LARS2: variants seen among roughly 807,000 people sequenced by gnomAD.
LARS2 encodes the protein leucine--tRNA ligase, mitochondrial.
A neutral mutation model predicts 116.6 loss-of-function variants in LARS2; 81 were observed. The ratio of observed to expected loss-of-function variants is 0.69; its 90% CI spans 0.58 to 0.84. The LOEUF is 0.84. Among genes scored for constraint, LARS2 ranks in the 40% least tolerant of loss-of-function variants. The pLI is 0.00. For missense variants in LARS2, 968 were observed against 1,114.5 expected, an observed-to-expected ratio of 0.87 and a Z score of 1.87; for synonymous variants, 396 against 407.2, an observed-to-expected ratio of 0.97 and a Z score of 0.33.
At chr3:45,474,841 G>A (rs1361865376) in intron 9 of LARS2, among the ~76,000 whole-genome samples, 2 of 152,060 alleles carry the variant, frequency 1.3e-5, no homozygotes, top group East Asian at 1.9e-4. Flanking sequence ...AGTCTCAAAG[G>A]GGTTCATGTC....
chr3:45,530,177 TTTTG>T (rs765606355), intron 20 of LARS2, among the ~76,000 whole-genome samples: 2 of 152,214 alleles, frequency 1.3e-5, no homozygotes, highest in Non-Finnish European at 2.9e-5. Context: ...ATTTGGAGTT[TTTTG>T]TTTGTTTGCT....
At position 45,485,789 on chromosome 3, in the gene LARS2, A is replaced by G. The variant is rs773078334; in HGVS notation, c.1116A>G (p.Ser372=). The G allele has an allele frequency of 1.9e-6, 3 of 1,593,042 alleles. No individual in the cohort carries two copies. Among genetic ancestry groups the G allele is most frequent in the South Asian group, 2.2e-5 (2 of 89,906 alleles). The change falls in exon 11 of 22, where the codon TCA becomes TCG. Residue 372 remains serine (S), a synonymous_variant. Transcript: ENST00000645846. The stretch of plus-strand genomic sequence containing the variant: ...CTGACTTGGAAGGCTCTCTGGATTC[A>G]AAAATAGGTAAGCAGCTATTAAAAT... ...AKADLEGSLD[S]KIGIPSTSSE...
chr3:45,508,314 C>T (rs961604322), intron 15 of LARS2, among the ~76,000 whole-genome samples: 12 of 152,040 alleles, frequency 7.9e-5, no homozygotes, highest in South Asian at 2.1e-4. Flanking sequence ...ATGCCAGAAA[C>T]GGGGCTACTG....
rs1261770944 is a variant in LARS2 at position 45,493,155 on chromosome 3, G to A, written c.1523+1355G>A. ...CGCTCTGTCGCCCAGGCTGGAGTGC[G>A]GTGGTGCAATCTCGGCTCACTGCCA... On this transcript the variant is annotated intron_variant, in intron 13 of 21. Coordinates refer to ENST00000645846, the MANE Select transcript of LARS2 (RefSeq NM_015340.4). Among the ~76,000 whole-genome samples the A allele has an allele frequency of 5.3e-5, 8 of 151,662 alleles. No individual in the cohort carries two copies. The South Asian group carries it at 6.3e-4, about 12-fold the overall frequency.
intron 7 of LARS2, among the ~76,000 whole-genome samples, chr3:45,453,237 G>A (rs1243100640): frequency 6.6e-6 from 1 of 151,420 alleles, no homozygotes; most frequent in Non-Finnish European, 1.5e-5. Flanking sequence ...TGCTTTTCTA[G>A]TTCCTTGTGC....
At chr3:45,491,931 C>A in intron 13 of LARS2, 131 bp downstream of exon 13, 2 of 871,882 alleles carry the variant, frequency 2.3e-6, no homozygotes, top group Non-Finnish European at 3.5e-6. Context: ...CTGGAAAGAA[C>A]ACTGTGGGTC....
At chr3:45,468,156 G>A (rs1559478880) in intron 8 of LARS2, among the ~76,000 whole-genome samples, 1 of 151,934 alleles carries the variant, frequency 6.6e-6, no homozygotes, top group South Asian at 2.1e-4. Flanking sequence ...CATGATATCC[G>A]GGTTAGATCA....
chr3:45,457,688 A>C (rs1391858324), intron 7 of LARS2, among the ~76,000 whole-genome samples: 1 of 152,202 alleles, frequency 6.6e-6, no homozygotes, highest in African/African-American at 2.4e-5. Flanking sequence ...TCAAAGAAAA[A>C]AAAAATTACA....
intron 15 of LARS2, among the ~76,000 whole-genome samples, chr3:45,510,606 A>C (rs186671146): frequency 1.6e-4 from 25 of 152,234 alleles, no homozygotes; most frequent in Admixed American, 1.1e-3. Context: ...GAGTTGAGCC[A>C]GGAAGGAGGA....
At chr3:45,500,339 A>G in intron 14 of LARS2, 103 bp from the exon 15 acceptor site, 1 of 1,122,522 alleles carries the variant, frequency 8.9e-7, no homozygotes, top group Non-Finnish European at 1.3e-6. Context: ...TTATTCCCTG[A>G]TACGGTTCAT....
chr3:45,516,024 A>C, intron 16 of LARS2, 70 bp from the exon 17 acceptor site: 1 of 1,260,784 alleles, frequency 7.9e-7, no homozygotes, highest in East Asian at 2.4e-5. Flanking sequence ...GTTTTTACTT[A>C]TTGATGCTAT....
At chr3:45,489,237 T>C (rs962120758) in intron 12 of LARS2, among the ~76,000 whole-genome samples, 2 of 152,214 alleles carry the variant, frequency 1.3e-5, no homozygotes, top group African/African-American at 4.8e-5. Flanking sequence ...TGGTCAGGGT[T>C]ATCTCTTGCT....
At chr3:45,406,257 T>C (rs1698229866) in intron 4 of LARS2, among the ~76,000 whole-genome samples, 1 of 152,186 alleles carries the variant, frequency 6.6e-6, no homozygotes, top group Non-Finnish European at 1.5e-5. Flanking sequence ...TGTGTGTCCA[T>C]GATTCTTAAA....
At chr3:45,544,662 G>A (rs1700850045) in intron 21 of LARS2, among the ~76,000 whole-genome samples, 1 of 152,192 alleles carries the variant, frequency 6.6e-6, no homozygotes, top group Non-Finnish European at 1.5e-5. Flanking sequence ...ATGGTGGCAG[G>A]ATGGAGCTAA....
chr3:45,458,686 CAAAA>C, intron 7 of LARS2, 53 bp from the exon 8 acceptor site: 2 of 1,200,320 alleles, frequency 1.7e-6, no homozygotes, highest in Admixed American at 2.0e-5. Flanking sequence ...CACTCCCTGT[CAAAA>C]AAAAAAAAGA....
At chr3:45,547,274 G>A (rs1037163112) in intron 21 of LARS2, 77 bp from the exon 22 acceptor site, 21 of 1,313,626 alleles carry the variant, frequency 1.6e-5, no homozygotes, top group Non-Finnish European at 2.2e-5. Flanking sequence ...CCCTTTACAG[G>A]CAGGAGGTTT....
intron 3 of LARS2, among the ~76,000 whole-genome samples, chr3:45,399,719 G>A (rs1200524337): frequency 6.6e-6 from 1 of 151,836 alleles, no homozygotes; most frequent in Non-Finnish European, 1.5e-5. Context: ...TGATTTGTGA[G>A]ATTTTGGTGC....
intron 6 of LARS2, among the ~76,000 whole-genome samples, chr3:45,437,001 T>C (rs915105594): frequency 2.6e-5 from 4 of 152,150 alleles, no homozygotes; most frequent in African/African-American, 9.7e-5. Flanking sequence ...TCAAAAAATA[T>C]TGGCCAAGAA....
At position 45,496,288 on chromosome 3, in the gene LARS2, G is replaced by T. The variant is rs1264508196; in HGVS notation, c.1537G>T (p.Ala513Ser). Residue 513 changes from alanine to serine, a missense_variant, in exon 14 of 22, where the codon GCC becomes TCC. Ala to Ser is a moderately conservative substitution (Grantham distance 99). Transcript: ENST00000645846. ...TTTCTTTCTTAGGTGCAAGGGAGCA[G>T]CCAAGAGAGAGACAGACACGATGGA... ...NCSCPRCKGA[A>S]KRETDTMDTF... 6.2e-7 allele frequency: 1 copy of T among 1,613,532 alleles called. No homozygotes were observed. The highest frequency in any genetic ancestry group is 2.2e-5 in the East Asian group (1 of 44,886).
Sources: gnomAD v4.1 joint callset for allele counts (sites outside exome capture counted in the v4.1 genomes callset) on GRCh38, gnomAD v4.1.1 for gene constraint, MANE v1.5 for transcripts, NCBI Gene and HGNC (gene_info 2026-07-23, HGNC 2026-07-21) for gene names.